The following FNDC3A variants were observed in gnomAD, a reference collection of about 807,000 sequenced individuals.
FNDC3A encodes fibronectin type III domain containing 3A, also known as fibronectin type-III domain-containing protein 3A.
FNDC3A carries 32 observed loss-of-function variants against 148.9 expected under a neutral mutation model. The observed-to-expected ratio is 0.21, with a 90% CI of 0.16 to 0.29. FNDC3A has a LOEUF of 0.29. FNDC3A is among the 10% of genes least tolerant of loss of function. The pLI is 1.00. For synonymous variants in FNDC3A, 472 were observed against 473.6 expected, an observed-to-expected ratio of 1.00 and a Z score of 0.04; for missense variants, 1,191 against 1,452.8, an observed-to-expected ratio of 0.82 and a Z score of 2.93.
intron 2 of FNDC3A, chr13:49,045,763 G>T: frequency 3.4e-6 from 2 of 594,638 alleles, no homozygotes; most frequent in Non-Finnish European, 5.7e-6. Flanking sequence ...GATTTTGACA[G>T]CATAGCATCT....
intron 3 of FNDC3A, among the ~76,000 whole-genome samples, chr13:49,075,800 G>GCCCCCCCCCCCCCCCCCCCCCCCCCC (rs57432537): frequency 3.5e-5 from 4 of 115,226 alleles, no homozygotes; most frequent in Admixed American, 1.9e-4. Flanking sequence ...TATCACCACT[G>GCCCCCCCCCCCCCCCCCCCCCCCCCC]CCCCCCCCAC....
intron 2 of FNDC3A, among the ~76,000 whole-genome samples, chr13:49,030,364 G>A (rs556048595): frequency 2.0e-5 from 3 of 152,114 alleles, no homozygotes; most frequent in East Asian, 1.9e-4. Context: ...AGAAGGGAAC[G>A]TCCTCAACCT....
intron 3 of FNDC3A, among the ~76,000 whole-genome samples, chr13:49,082,922 A>G (rs1053185800): frequency 2.0e-5 from 3 of 152,120 alleles, no homozygotes; most frequent in African/African-American, 7.2e-5. Context: ...AGCTCAAACA[A>G]GAGTGAGGAG....
chr13:49,099,454 T>C (rs1041722837), intron 3 of FNDC3A, among the ~76,000 whole-genome samples: 1 of 152,116 alleles, frequency 6.6e-6, no homozygotes, highest in Non-Finnish European at 1.5e-5. Context: ...CTGCTGTCTT[T>C]GCTGGCCACT....
At chr13:49,064,124 C>T (rs1167967035) in intron 2 of FNDC3A, among the ~76,000 whole-genome samples, 4 of 152,042 alleles carry the variant, frequency 2.6e-5, no homozygotes, top group African/African-American at 9.7e-5. Flanking sequence ...GGGCAGATCA[C>T]GAGGTCAGGA....
intron 1 of FNDC3A, among the ~76,000 whole-genome samples, chr13:48,982,511 A>AGT (rs1436816001): frequency 1.3e-5 from 2 of 152,136 alleles, no homozygotes; most frequent in Non-Finnish European, 2.9e-5. Context: ...AAACTGGCCT[A>AGT]GTGTGTGTGA....
At chr13:49,001,209 C>T (rs527481665) in intron 1 of FNDC3A, among the ~76,000 whole-genome samples, 7 of 152,280 alleles carry the variant, frequency 4.6e-5, no homozygotes, top group African/African-American at 1.2e-4. Context: ...GTATTTACTG[C>T]GATCTCCAAA....
intron 2 of FNDC3A, among the ~76,000 whole-genome samples, chr13:49,009,629 A>G (rs1250033612): frequency 6.6e-6 from 1 of 152,232 alleles, no homozygotes; most frequent in Non-Finnish European, 1.5e-5. Context: ...GAAAGCCTGC[A>G]TGAATGTGTG....
chr13:49,014,045 C>A (rs1313806611), intron 2 of FNDC3A, among the ~76,000 whole-genome samples: 1 of 145,720 alleles, frequency 6.9e-6, no homozygotes, highest in African/African-American at 2.6e-5. Flanking sequence ...GTGAATAATG[C>A]CGCAGTAAAC....
intron 8 of FNDC3A, among the ~76,000 whole-genome samples, chr13:49,162,908 C>T (rs1035649845): frequency 1.1e-3 from 2 of 1,828 alleles, no homozygotes; most frequent in African/African-American, 5.8e-3. Flanking sequence ...GAGGTCCACT[C>T]CAGACCCTGT....
intron 10 of FNDC3A, 61 bp from the exon 11 acceptor site, chr13:49,171,982 C>T: frequency 9.0e-7 from 1 of 1,107,196 alleles, no homozygotes; most frequent in Non-Finnish European, 1.4e-6. Flanking sequence ...ATTAGATCAT[C>T]ACAGTATCAT....
At chr13:49,180,599 A>G (rs1208943288) in intron 14 of FNDC3A, among the ~76,000 whole-genome samples, 1 of 152,206 alleles carries the variant, frequency 6.6e-6, no homozygotes, top group Non-Finnish European at 1.5e-5. Context: ...GGAAGTTGTT[A>G]ATGTCTTTGT....
chr13:49,166,647 G>A (rs1267478336), intron 8 of FNDC3A, among the ~76,000 whole-genome samples: 1 of 152,030 alleles, frequency 6.6e-6, no homozygotes, highest in Non-Finnish European at 1.5e-5. Context: ...GTGGGAATGT[G>A]TACCACTGGG....
At chr13:49,013,491 T>C (rs780726931) in intron 2 of FNDC3A, among the ~76,000 whole-genome samples, 11 of 151,892 alleles carry the variant, frequency 7.2e-5, no homozygotes, top group East Asian at 1.9e-4. Context: ...TACATGTATA[T>C]ACATGTACAT....
At chr13:49,019,233 G>T (rs1292760978) in intron 2 of FNDC3A, among the ~76,000 whole-genome samples, 1 of 152,240 alleles carries the variant, frequency 6.6e-6, no homozygotes, top group Admixed American at 6.5e-5. Flanking sequence ...ATCTCAGACT[G>T]CTGTGCTAGC....
At chr13:49,203,998 C>G (rs893917777) in intron 25 of FNDC3A, among the ~76,000 whole-genome samples, 1 of 152,112 alleles carries the variant, frequency 6.6e-6, no homozygotes, top group Non-Finnish European at 1.5e-5. Flanking sequence ...TGATCAGACA[C>G]AACGTTGTTT....
chr13:49,056,160 C>T (rs1876223334), intron 2 of FNDC3A, among the ~76,000 whole-genome samples: 1 of 151,566 alleles, frequency 6.6e-6, no homozygotes, highest in Non-Finnish European at 1.5e-5. Flanking sequence ...GCACTCCAGC[C>T]TGGGCATCAG....
intron 2 of FNDC3A, among the ~76,000 whole-genome samples, chr13:49,062,954 C>T (rs1876999386): frequency 6.6e-6 from 1 of 152,132 alleles, no homozygotes; most frequent in South Asian, 2.1e-4. Flanking sequence ...TAAAATAGGT[C>T]TGTTTATCTT....
chr13:49,054,301 A>T (rs1435139960), intron 2 of FNDC3A, among the ~76,000 whole-genome samples: 1 of 152,214 alleles, frequency 6.6e-6, no homozygotes, highest in African/African-American at 2.4e-5. Context: ...TACAACCTGT[A>T]GTATATTAAA....
Sources: allele counts gnomAD v4.1 joint callset (sites outside exome capture counted in the v4.1 genomes callset), GRCh38; gene constraint gnomAD v4.1.1; transcripts MANE v1.5; gene names NCBI Gene and HGNC (gene_info 2026-07-23, HGNC 2026-07-21).